Variants in NDE1 observed in about 807,000 individuals in gnomAD.
NDE1 encodes nudE neurodevelopment protein 1.
A neutral mutation model predicts 43.4 loss-of-function variants in NDE1; 28 were observed. The ratio of observed to expected loss-of-function variants is 0.65; its 90% CI spans 0.48 to 0.89. The LOEUF is 0.89. NDE1 is among the 40% of genes least tolerant of loss of function. NDE1 has a pLI of 0.00. For synonymous variants in NDE1, 184 were observed against 172.0 expected, an observed-to-expected ratio of 1.07 and a Z score of -0.55; for missense variants, 441 against 434.1, an observed-to-expected ratio of 1.02 and a Z score of -0.14.
chr16:15,694,532 T>C (rs370053854), intron 7 of NDE1: 1 of 789,166 alleles, frequency 1.3e-6, no homozygotes, highest in African/African-American at 1.9e-5. Flanking sequence ...TTTTTTGTAG[T>C]AATGTGGGTA....
intron 1 of NDE1, among the ~76,000 whole-genome samples, chr16:15,655,393 C>T (rs774268550): frequency 5.9e-5 from 9 of 152,326 alleles, no homozygotes; most frequent in African/African-American, 1.9e-4. Context: ...AATCTGCCCA[C>T]CTCAGTCTGC....
intron 1 of NDE1, among the ~76,000 whole-genome samples, chr16:15,654,615 A>C (rs2036667545): frequency 7.0e-6 from 1 of 143,222 alleles, no homozygotes; most frequent in South Asian, 2.2e-4. Flanking sequence ...AAAAAAAAAA[A>C]ACAAAAAAAA....
chr16:15,673,525 G>A (rs966520466), intron 3 of NDE1, among the ~76,000 whole-genome samples: 21 of 150,800 alleles, frequency 1.4e-4, no homozygotes, highest in African/African-American at 4.4e-4. Context: ...TTTTGGTTTC[G>A]CCATGTTGCC....
Position 15,704,110 on chromosome 16 carries a change from T to A in NDE1, c.947+7250T>A, listed in dbSNP as rs113667224. The A allele has an allele frequency of 2.4e-3, 3,920 of 1,614,030 alleles. 5 individuals carry two copies. The highest frequency in any genetic ancestry group is 3.2e-3 in the Non-Finnish European group (3,740 of 1,179,992). On this transcript the variant is annotated intron_variant, in intron 8 of 8. Coordinates refer to ENST00000396354, the MANE Select transcript of NDE1 (RefSeq NM_017668.3). ...GACCTTCTAGAAGGAACGAAAGAGG[T>A]CTCGTTTCCTCGCCTGTGGGTTGTA...
chr16:15,652,240 T>A (rs2036540064), intron 1 of NDE1, among the ~76,000 whole-genome samples: 1 of 152,120 alleles, frequency 6.6e-6, no homozygotes, highest in Admixed American at 6.6e-5. Context: ...GAATCTTGCT[T>A]TGTTGCCCAG....
intron 4 of NDE1, among the ~76,000 whole-genome samples, chr16:15,678,764 A>C (rs548211512): frequency 6.6e-6 from 1 of 152,290 alleles, no homozygotes; most frequent in East Asian, 1.9e-4. Flanking sequence ...AAATTTATAT[A>C]TGAATTATAT....
Position 15,709,439 on chromosome 16 carries a change from C to T in NDE1, c.947+12579C>T, listed in dbSNP as rs985410252. Among the ~76,000 whole-genome samples, 5 of 152,056 alleles carry T rather than the reference C, an allele frequency of 3.3e-5. No individual in the cohort carries two copies. In the East Asian group the frequency reaches 7.7e-4, roughly 23 times the overall value. ...AAGCGATTCTCCTGCCTCAGCCTCC[C>T]GAGTAGCTGGGATTACAGGCATGCA... is the stretch of plus-strand genomic sequence containing the variant. On this transcript the variant is annotated intron_variant, in intron 8 of 8. Coordinates refer to ENST00000396354, the MANE Select transcript of NDE1 (RefSeq NM_017668.3).
At position 15,725,132 on chromosome 16, in the gene NDE1, G is replaced by T; in HGVS notation, c.*881G>T. 30 of 579,468 alleles carry T rather than the reference G, an allele frequency of 5.2e-5. No individual in the cohort carries two copies. Among genetic ancestry groups the T allele is most frequent in the Non-Finnish European group, 6.6e-5 (22 of 335,296 alleles). The allele number at this position is 579,468 out of a possible 1,614,324, so 35.9% of individuals were successfully genotyped here. On this transcript the variant is annotated 3_prime_UTR_variant, in exon 9 of 9. Transcript: ENST00000396354. ...AAATACCCGTGAGGTATGGGACTCTGATAAAAAAAAAAAAAAACACACACA... is the reference window on the plus strand; with the variant it reads ...AAATACCCGTGAGGTATGGGACTCTTATAAAAAAAAAAAAAAACACACACA...
intron 8 of NDE1, among the ~76,000 whole-genome samples, chr16:15,711,715 C>T (rs1260063153): frequency 1.3e-5 from 2 of 151,772 alleles, no homozygotes; most frequent in East Asian, 3.9e-4. Flanking sequence ...TTTTTTGAGA[C>T]CGAGTTTTGG....
At chr16:15,687,353 A>T (rs765847208) in intron 4 of NDE1, 22 bp from the exon 5 acceptor site, 2 of 1,613,688 alleles carry the variant, frequency 1.2e-6, no homozygotes, top group East Asian at 2.2e-5. Context: ...CTCTTGGATA[A>T]CTCTGCTTTT....
chr16:15,700,823 C>T (rs2039196045), intron 8 of NDE1, among the ~76,000 whole-genome samples: 1 of 152,142 alleles, frequency 6.6e-6, no homozygotes, highest in African/African-American at 2.4e-5. Context: ...CTCTCAGAGG[C>T]TCTTCCCCCC....
At chr16:15,722,394 C>T (rs754442108) in intron 8 of NDE1, among the ~76,000 whole-genome samples, 1 of 152,174 alleles carries the variant, frequency 6.6e-6, no homozygotes, top group African/African-American at 2.4e-5. Context: ...TCCATGCTCA[C>T]GTTAATCTCA....
At position 15,721,027 on chromosome 16, in the gene NDE1, G is replaced by A. The variant is rs143402648; in HGVS notation, c.948-3164G>A. On this transcript the variant is annotated intron_variant, in intron 8 of 8. Transcript: ENST00000396354. ...TCCTCCATCTGGGTCTCCAGGGCCCGCTTGGACTTCTCCAGCTCATGGACC... is the reference window on the plus strand; with the variant it reads ...TCCTCCATCTGGGTCTCCAGGGCCCACTTGGACTTCTCCAGCTCATGGACC... 391 of 1,613,920 alleles carry A rather than the reference G, an allele frequency of 2.4e-4. No homozygotes were observed. Among genetic ancestry groups the A allele is most frequent in the Non-Finnish European group, 3.1e-4 (365 of 1,180,000 alleles).
chr16:15,692,751 T>G (rs1039375125), intron 6 of NDE1, among the ~76,000 whole-genome samples: 34 of 151,906 alleles, frequency 2.2e-4, no homozygotes, highest in African/African-American at 7.3e-4. Flanking sequence ...CATTGTTGTT[T>G]TTAGAGACAC....
In NDE1 at chr16:15,721,065, G is replaced by A. The variant is rs377410503; in HGVS notation, c.948-3126G>A. ...CAGCTCATGGACCTGCCGGCAGAGC[G>A]GGCAGCCCCATTCTATGAGGCTCAA... On this transcript the variant is annotated intron_variant, in intron 8 of 8. Coordinates refer to ENST00000396354, the MANE Select transcript of NDE1 (RefSeq NM_017668.3). 110 of 1,612,870 alleles carry A rather than the reference G, an allele frequency of 6.8e-5. No homozygotes were observed. Among genetic ancestry groups the A allele is most frequent in the Middle Eastern group, 3.3e-4 (2 of 6,084 alleles).
chr16:15,709,140 C>G (rs746227006), intron 8 of NDE1, among the ~76,000 whole-genome samples: 15 of 150,566 alleles, frequency 1.0e-4, no homozygotes, highest in Middle Eastern at 3.2e-3. Context: ...TGGGGTTGCA[C>G]TATGTTGGTC....
intron 8 of NDE1, chr16:15,714,546 G>A: frequency 2.5e-6 from 1 of 402,354 alleles, no homozygotes; most frequent in Non-Finnish European, 4.6e-6. Context: ...AGGAGGTGAA[G>A]TGGCGGGGGG....
At chr16:15,647,506 TCTC>T (rs1412248166), upstream of NDE1, among the ~76,000 whole-genome samples, 2 of 149,438 alleles carry the variant, frequency 1.3e-5, no homozygotes, top group Admixed American at 6.6e-5. Context: ...AGTTGCATGG[TCTC>T]CTCTCTACAG....
intron 1 of NDE1, among the ~76,000 whole-genome samples, chr16:15,660,329 T>C (rs888184716): frequency 6.6e-6 from 1 of 151,884 alleles, no homozygotes; most frequent in Non-Finnish European, 1.5e-5. Flanking sequence ...AAAAATTAGC[T>C]TGGCGTAGTG....
Sources: allele counts gnomAD v4.1 joint callset (sites outside exome capture counted in the v4.1 genomes callset), GRCh38; gene constraint gnomAD v4.1.1; transcripts MANE v1.5; gene names NCBI Gene and HGNC (gene_info 2026-07-23, HGNC 2026-07-21).